DPP6: variants seen among roughly 807,000 people sequenced by gnomAD.
The protein encoded by DPP6 is A-type potassium channel modulatory protein DPP6.
A neutral mutation model predicts 122.6 loss-of-function variants in DPP6; 69 were observed. That is an observed-to-expected ratio of 0.56 (90% CI 0.46 to 0.69). DPP6 has a LOEUF of 0.69. Ranked by LOEUF, DPP6 falls within the 30% of genes least tolerant of loss-of-function variation. The probability of loss-of-function intolerance (pLI) is 0.00; values close to 1 mark genes in which losing one functional copy is unlikely to be tolerated. For synonymous variants in DPP6, 418 were observed against 433.1 expected (o/e 0.97, Z 0.43); for missense variants, 928 against 1,116.9 (o/e 0.83, Z 2.41).
chr7:154,420,381 A>C (rs901363590), intron 1 of DPP6, among the ~76,000 whole-genome samples: 1 of 152,214 alleles, frequency 6.6e-6, no homozygotes, highest in Non-Finnish European at 1.5e-5. Flanking sequence ...TGGAAAATGT[A>C]ATGCTAAGTC....
chr7:154,353,824 A>G (rs1355217746), intron 1 of DPP6, among the ~76,000 whole-genome samples: 1 of 152,248 alleles, frequency 6.6e-6, no homozygotes, highest in African/African-American at 2.4e-5. Flanking sequence ...TCTGTGGCTC[A>G]CAGAACAAGT....
chr7:154,718,554 C>A (rs1229224313), intron 7 of DPP6, among the ~76,000 whole-genome samples: 1 of 151,904 alleles, frequency 6.6e-6, no homozygotes, highest in African/African-American at 2.4e-5. Flanking sequence ...CTCCCACACC[C>A]CCCCCAACTT....
chr7:154,361,874 T>A (rs1811756659), intron 1 of DPP6, among the ~76,000 whole-genome samples: 1 of 152,220 alleles, frequency 6.6e-6, no homozygotes, highest in Non-Finnish European at 1.5e-5. Context: ...TTGCCCAAAG[T>A]CATAGAGGGT....
chr7:153,914,019 G>T (rs1216793520), intron 1 of DPP6, among the ~76,000 whole-genome samples: 1 of 152,160 alleles, frequency 6.6e-6, no homozygotes, highest in East Asian at 1.9e-4. Context: ...GGTGATAACG[G>T]TTTGGCTGTA....
chr7:154,443,865 T>A (rs1819624963), intron 1 of DPP6, among the ~76,000 whole-genome samples: 1 of 152,212 alleles, frequency 6.6e-6, no homozygotes. Flanking sequence ...ATAGCCTCAC[T>A]TTCACCATGC....
chr7:154,064,522 C>T (rs189746839), intron 1 of DPP6, among the ~76,000 whole-genome samples: 280 of 152,296 alleles, frequency 1.8e-3, no homozygotes, highest in African/African-American at 6.3e-3. Flanking sequence ...AAACCACTAC[C>T]TCTACTAAAG....
intron 8 of DPP6, among the ~76,000 whole-genome samples, chr7:154,764,381 G>A (rs966851651): frequency 1.3e-5 from 2 of 152,166 alleles, no homozygotes; most frequent in African/African-American, 4.8e-5. Flanking sequence ...GCAAGAAGTG[G>A]GAAAGAGAGG....
intron 3 of DPP6, among the ~76,000 whole-genome samples, chr7:154,476,378 C>T (rs374231644): frequency 6.6e-6 from 1 of 152,212 alleles, no homozygotes. Context: ...GGCTGACCTG[C>T]TGAAATGTTC....
chr7:154,471,382 G>T (rs1822261276), intron 2 of DPP6, among the ~76,000 whole-genome samples: 2 of 152,076 alleles, frequency 1.3e-5, no homozygotes, highest in African/African-American at 4.8e-5. Flanking sequence ...AGGAGGGAAG[G>T]CCAAATTTCC....
At chr7:154,279,563 C>T (rs1804369930) in intron 1 of DPP6, among the ~76,000 whole-genome samples, 1 of 152,132 alleles carries the variant, frequency 6.6e-6, no homozygotes, top group South Asian at 2.1e-4. Flanking sequence ...TTTCAAAAGT[C>T]CTCATGTGAA....
chr7:153,863,334 T>C, the DPP6 span, among the ~76,000 whole-genome samples: 10 of 152,316 alleles, frequency 6.6e-5, no homozygotes, highest in East Asian at 7.7e-4. Context: ...CGGTCTATCA[T>C]TGATGGGCAT....
At chr7:154,292,822 T>A (rs144013560) in intron 1 of DPP6, among the ~76,000 whole-genome samples, 2 of 152,336 alleles carry the variant, frequency 1.3e-5, no homozygotes, top group East Asian at 3.9e-4. Context: ...AACAATACCT[T>A]TCTGAGGAGT....
intron 1 of DPP6, among the ~76,000 whole-genome samples, chr7:154,246,281 A>C (rs1442734367): frequency 6.6e-6 from 1 of 152,204 alleles, no homozygotes; most frequent in Non-Finnish European, 1.5e-5. Flanking sequence ...CATTGTTTAA[A>C]TAGGGAAAAA....
intron 1 of DPP6, among the ~76,000 whole-genome samples, chr7:154,347,201 C>T (rs963807043): frequency 5.3e-5 from 8 of 152,182 alleles, no homozygotes; most frequent in African/African-American, 1.9e-4. Context: ...TCCTTCCAGT[C>T]TTGACTAAGG....
chr7:154,660,229 A>G (rs1488651383), intron 6 of DPP6, among the ~76,000 whole-genome samples: 1 of 149,880 alleles, frequency 6.7e-6, no homozygotes, highest in Non-Finnish European at 1.5e-5. Context: ...TATTGGCCGT[A>G]GTGTTCATAT....
the DPP6 span, among the ~76,000 whole-genome samples, chr7:153,785,639 C>CTATATA: frequency 6.6e-6 from 1 of 152,024 alleles, no homozygotes; most frequent in Non-Finnish European, 1.5e-5. Flanking sequence ...GAAATGGGTA[C>CTATATA]TATATATATA....
chr7:154,365,880 C>G (rs1040102160), intron 1 of DPP6, among the ~76,000 whole-genome samples: 1 of 149,298 alleles, frequency 6.7e-6, no homozygotes, highest in Non-Finnish European at 1.5e-5. Flanking sequence ...ATGGCGTGAA[C>G]CTGGGAGGCG....
intron 7 of DPP6, among the ~76,000 whole-genome samples, chr7:154,701,835 CAT>C (rs1840547604): frequency 6.6e-6 from 1 of 152,216 alleles, no homozygotes; most frequent in African/African-American, 2.4e-5. Context: ...GAATGTGGCA[CAT>C]GAGATGTCAC....
chr7:154,303,052 G>A (rs1046483361), intron 1 of DPP6, among the ~76,000 whole-genome samples: 8 of 152,202 alleles, frequency 5.3e-5, no homozygotes, highest in Admixed American at 5.2e-4. Context: ...CACCATCTCA[G>A]CTCACTGCAA....
Sources: gnomAD v4.1 joint callset for allele counts (sites outside exome capture counted in the v4.1 genomes callset) on GRCh38, gnomAD v4.1.1 for gene constraint, MANE v1.5 for transcripts, NCBI Gene and HGNC (gene_info 2026-07-23, HGNC 2026-07-21) for gene names.